The following C8orf34 variants were observed in gnomAD, a reference collection of about 807,000 sequenced individuals.
The protein encoded by C8orf34 is chromosome 8 open reading frame 34.
A neutral mutation model predicts 68.3 loss-of-function variants in C8orf34; 65 were observed. The ratio of observed to expected loss-of-function variants is 0.95; its 90% CI spans 0.78 to 1.17. C8orf34 has a LOEUF of 1.17. Ranked by LOEUF, C8orf34 falls within the 50% of genes most tolerant of loss-of-function variation. The probability of loss-of-function intolerance (pLI) is 0.00; values close to 1 mark genes in which losing one functional copy is unlikely to be tolerated. For synonymous variants in C8orf34, 244 were observed against 241.2 expected (o/e 1.01, Z -0.11); for missense variants, 664 against 655.4 (o/e 1.01, Z -0.14).
In C8orf34 at chr8:68,581,466, T is replaced by C. The variant is rs186145028; in HGVS notation, c.1105+48317T>C. ...GAAGAGTGAGTGAAAGGTGAGAGTA[T>C]CCTTTCTGAATCTGCTGTTTTCTCC... On this transcript the variant is annotated intron_variant, in intron 7 of 13. Transcript: ENST00000518698. 4.6e-5 allele frequency among the ~76,000 whole-genome samples: 7 copies of C among 152,212 alleles called. No homozygotes were observed. In the East Asian group the frequency reaches 1.4e-3, roughly 29 times the overall value.
chr8:68,439,361 A>G (rs1810799446), intron 1 of C8orf34, 138 bp from the exon 2 acceptor site: 1 of 668,540 alleles, frequency 1.5e-6, no homozygotes, highest in African/African-American at 1.8e-5. Flanking sequence ...GTCTGAAAAG[A>G]TTGTTATAAG....
chr8:68,587,876 T>A (rs1817255533), intron 7 of C8orf34, among the ~76,000 whole-genome samples: 1 of 151,934 alleles, frequency 6.6e-6, no homozygotes, highest in Non-Finnish European at 1.5e-5. Flanking sequence ...AGAGAGAGAA[T>A]GTGAATGCAG....
chr8:68,604,580 G>A (rs1386036542), intron 7 of C8orf34, among the ~76,000 whole-genome samples: 1 of 152,070 alleles, frequency 6.6e-6, no homozygotes, highest in Non-Finnish European at 1.5e-5. Context: ...CTTTGACAAA[G>A]ATGTGAAGGC....
At chr8:68,539,563 T>C (rs1465902597) in intron 7 of C8orf34, among the ~76,000 whole-genome samples, 1 of 152,096 alleles carries the variant, frequency 6.6e-6, no homozygotes, top group East Asian at 1.9e-4. Context: ...TTAAAATTAT[T>C]GTAGTTGGCC....
intron 7 of C8orf34, among the ~76,000 whole-genome samples, chr8:68,570,378 C>T (rs1816726914): frequency 1.3e-5 from 2 of 152,128 alleles, no homozygotes; most frequent in Non-Finnish European, 2.9e-5. Flanking sequence ...ACAGGAAACT[C>T]GTGTTCAACC....
chr8:68,381,761 A>AAAC, intron 1 of C8orf34, among the ~76,000 whole-genome samples: 1 of 150,850 alleles, frequency 6.6e-6, no homozygotes, highest in Non-Finnish European at 1.5e-5. Context: ...AAAAAAAAAA[A>AAAC]ATAGGTATAT....
chr8:68,635,015 A>T (rs1818794675), intron 7 of C8orf34, among the ~76,000 whole-genome samples: 2 of 152,124 alleles, frequency 1.3e-5, no homozygotes, highest in Admixed American at 6.5e-5. Flanking sequence ...CCACACTGTG[A>T]TAGTTATTCT....
chr8:68,445,164 G>T (rs1197192873), intron 2 of C8orf34, among the ~76,000 whole-genome samples: 2 of 152,150 alleles, frequency 1.3e-5, no homozygotes, highest in African/African-American at 4.8e-5. Context: ...GATTTTGGAG[G>T]TGGACAAATT....
chr8:68,681,463 T>C (rs1820368593), intron 8 of C8orf34, among the ~76,000 whole-genome samples: 1 of 152,100 alleles, frequency 6.6e-6, no homozygotes, highest in Non-Finnish European at 1.5e-5. Context: ...TACAATGAGA[T>C]GTTATCTTAC....
chr8:68,745,767 C>A (rs955545878), intron 10 of C8orf34, among the ~76,000 whole-genome samples: 71 of 152,248 alleles, frequency 4.7e-4, no homozygotes, highest in Non-Finnish European at 7.8e-4. Context: ...GAGACTTAGA[C>A]TCCCACACAT....
chr8:68,579,636 A>G (rs1817003590), intron 7 of C8orf34, among the ~76,000 whole-genome samples: 2 of 152,188 alleles, frequency 1.3e-5, no homozygotes, highest in Admixed American at 1.3e-4. Flanking sequence ...TCTGCAGATC[A>G]GCAGTATCAG....
intron 7 of C8orf34, chr8:68,533,771 T>C: frequency 3.1e-6 from 3 of 966,984 alleles, no homozygotes; most frequent in Non-Finnish European, 3.7e-6. Context: ...AATCTCTTCA[T>C]ATAAATTTTT....
At chr8:68,561,319 T>A (rs1179827613) in intron 7 of C8orf34, among the ~76,000 whole-genome samples, 1 of 152,090 alleles carries the variant, frequency 6.6e-6, no homozygotes, top group East Asian at 1.9e-4. Flanking sequence ...GACTCTTTTT[T>A]AATAGCACTG....
intron 7 of C8orf34, among the ~76,000 whole-genome samples, chr8:68,594,569 A>T (rs1817487419): frequency 6.6e-6 from 1 of 152,118 alleles, no homozygotes; most frequent in African/African-American, 2.4e-5. Context: ...AGCACCCAAT[A>T]GGTAGTTTTT....
intron 8 of C8orf34, among the ~76,000 whole-genome samples, chr8:68,664,746 G>T (rs1585695245): frequency 6.6e-6 from 1 of 152,044 alleles, no homozygotes; most frequent in Non-Finnish European, 1.5e-5. Context: ...GAACACCAGG[G>T]AAGCCACAGC....
intron 10 of C8orf34, among the ~76,000 whole-genome samples, chr8:68,743,980 C>T (rs1382055805): frequency 6.6e-6 from 1 of 152,102 alleles, no homozygotes; most frequent in Admixed American, 6.5e-5. Context: ...ACTTAAATGT[C>T]CCTGTCTGAC....
chr8:68,734,387 T>C (rs1009603290), intron 10 of C8orf34, among the ~76,000 whole-genome samples: 2 of 152,150 alleles, frequency 1.3e-5, no homozygotes, highest in Non-Finnish European at 2.9e-5. Context: ...ACCTGTATGT[T>C]CCTGTGGCCC....
intron 11 of C8orf34, 151 bp downstream of exon 11, chr8:68,776,600 G>T: frequency 1.8e-6 from 1 of 569,586 alleles, no homozygotes; most frequent in Non-Finnish European, 3.0e-6. Context: ...ATAAATAATA[G>T]GTTAGCAAGA....
chr8:68,762,209 G>A (rs1823043414), intron 10 of C8orf34, among the ~76,000 whole-genome samples: 1 of 152,182 alleles, frequency 6.6e-6, no homozygotes, highest in Admixed American at 6.5e-5. Flanking sequence ...GAGCTTCAAA[G>A]AGTATCCTAC....
Sources: allele counts gnomAD v4.1 joint callset (sites outside exome capture counted in the v4.1 genomes callset), GRCh38; gene constraint gnomAD v4.1.1; transcripts MANE v1.5; gene names NCBI Gene and HGNC (gene_info 2026-07-23, HGNC 2026-07-21).